The following NFIA variants were observed in gnomAD, a reference collection of about 807,000 sequenced individuals.
NFIA encodes the protein nuclear factor I A, also known as nuclear factor 1 A-type.
A neutral mutation model predicts 62.8 loss-of-function variants in NFIA; 8 were observed. The ratio of observed to expected loss-of-function variants is 0.13; its 90% CI spans 0.07 to 0.23. The LOEUF (loss-of-function observed/expected upper bound fraction) is 0.23, where lower values mean the gene tolerates loss of function less well. NFIA is among the 10% of genes least tolerant of loss of function. The pLI, the probability that NFIA is intolerant of heterozygous loss-of-function variation, is 1.00. For synonymous variants in NFIA, 235 were observed against 238.1 expected (o/e 0.99, Z 0.12); for missense variants, 410 against 642.1 (o/e 0.64, Z 3.91).
At chr1:61,431,639 C>G (rs2100561005) in intron 10 of NFIA, among the ~76,000 whole-genome samples, 1 of 152,376 alleles carries the variant, frequency 6.6e-6, no homozygotes, top group South Asian at 2.1e-4. Flanking sequence ...GTGTGATTGC[C>G]TTTGCCTCAT....
intron 2 of NFIA, among the ~76,000 whole-genome samples, chr1:61,093,353 A>C (rs993576335): frequency 3.3e-5 from 5 of 152,166 alleles, no homozygotes; most frequent in Non-Finnish European, 1.5e-5. Context: ...CACAATATAC[A>C]CAATATACAC....
At chr1:61,357,974 G>C (rs754308479) in intron 5 of NFIA, among the ~76,000 whole-genome samples, 2 of 152,068 alleles carry the variant, frequency 1.3e-5, no homozygotes, top group Non-Finnish European at 2.9e-5. Flanking sequence ...ATTTCACTAC[G>C]TTTTCACTCC....
rs80175032 is a variant in NFIA, at chr1:61,126,100, G to A, written c.559+37420G>A. 0.013 allele frequency among the ~76,000 whole-genome samples: 1,994 copies of A among 152,168 alleles called. 89 individuals are homozygous for A. The East Asian group carries it at 0.17, about 13-fold the overall frequency. ...GAAACTAAGTTTATATAAGTGTCAC[G>A]AAACTTGCTTCAGTTCAGATGTCTA... is the stretch of plus-strand genomic sequence containing the variant. On this transcript the variant is annotated intron_variant, in intron 2 of 10. Transcript: ENST00000403491.
chr1:61,179,785 A>G (rs573775157), intron 2 of NFIA, among the ~76,000 whole-genome samples: 3 of 152,220 alleles, frequency 2.0e-5, no homozygotes, highest in Admixed American at 1.3e-4. Flanking sequence ...GTGAGACTGT[A>G]TTTCCAATAG....
At chr1:61,134,255 T>A (rs199919388) in intron 2 of NFIA, among the ~76,000 whole-genome samples, 16 of 124,104 alleles carry the variant, frequency 1.3e-4, no homozygotes, top group Non-Finnish European at 1.9e-4. Context: ...AGTGTGTGTG[T>A]GTGTGTGTGT....
At chr1:61,169,145 G>A (rs1289616378) in intron 2 of NFIA, among the ~76,000 whole-genome samples, 1 of 152,174 alleles carries the variant, frequency 6.6e-6, no homozygotes, top group African/African-American at 2.4e-5. Flanking sequence ...AGTCATTTTA[G>A]TGGATCTTGA....
At chr1:61,176,831 G>A (rs374746777) in intron 2 of NFIA, among the ~76,000 whole-genome samples, 5 of 152,026 alleles carry the variant, frequency 3.3e-5, no homozygotes, top group Non-Finnish European at 7.4e-5. Flanking sequence ...TGGGCTGGGC[G>A]CGGTGGCTCA....
chr1:61,196,482 T>C (rs543281733), intron 2 of NFIA, among the ~76,000 whole-genome samples: 4 of 152,316 alleles, frequency 2.6e-5, no homozygotes, highest in African/African-American at 9.6e-5. Context: ...TAAGGGTACA[T>C]GTAAATACAT....
At chr1:61,283,602 A>AG in intron 3 of NFIA, among the ~76,000 whole-genome samples, 1 of 145,130 alleles carries the variant, frequency 6.9e-6, no homozygotes, top group African/African-American at 2.5e-5. Flanking sequence ...AAAAAAAAAA[A>AG]AAAAAAGATT....
intron 10 of NFIA, among the ~76,000 whole-genome samples, chr1:61,444,702 A>G (rs774021886): frequency 1.3e-5 from 2 of 152,232 alleles, no homozygotes; most frequent in South Asian, 4.1e-4. Context: ...AATAGCACAA[A>G]TTGGCATGTC....
upstream of NFIA, chr1:61,082,085 A>G (rs945387636): frequency 5.2e-6 from 8 of 1,527,148 alleles, no homozygotes; most frequent in African/African-American, 1.4e-5. Context: ...GGGGATGGGG[A>G]CGAGGAAAAG....
intron 6 of NFIA, among the ~76,000 whole-genome samples, chr1:61,380,794 G>A (rs997311898): frequency 8.5e-5 from 13 of 152,092 alleles, no homozygotes; most frequent in Non-Finnish European, 1.3e-4. Context: ...GGTTGTTCCT[G>A]CATGCTGACG....
At position 61,124,909 on chromosome 1, in the gene NFIA, T is replaced by G. The variant is rs528252489; in HGVS notation, c.559+36229T>G. ...AGGTGGCCATGTTGAAATGTGCCTGTGTGCAGCAAGGCTTCTGAAATGACA... is the reference window on the plus strand; with the variant it reads ...AGGTGGCCATGTTGAAATGTGCCTGGGTGCAGCAAGGCTTCTGAAATGACA... On this transcript the variant is annotated intron_variant, in intron 2 of 10. Coordinates refer to ENST00000403491, the MANE Select transcript of NFIA (RefSeq NM_001134673.4). 8 of 152,290 alleles carry G rather than the reference T, an allele frequency of 5.3e-5. No individual in the cohort carries two copies. The South Asian group carries it at 1.7e-3, about 32-fold the overall frequency. The allele number at this position is 152,290 out of a possible 1,614,324, so 9.4% of individuals were successfully genotyped here. A position where few individuals can be genotyped will look rare whatever the true frequency, so the allele number is the denominator to read the frequency against.
At chr1:61,155,439 C>T (rs796403257) in intron 2 of NFIA, among the ~76,000 whole-genome samples, 12 of 150,408 alleles carry the variant, frequency 8.0e-5, no homozygotes, top group African/African-American at 2.7e-4. Flanking sequence ...TTTGGGAGGC[C>T]GAGGCGGGTG....
chr1:61,103,330 CATT>C (rs1646543736), intron 2 of NFIA, among the ~76,000 whole-genome samples: 1 of 152,138 alleles, frequency 6.6e-6, no homozygotes, highest in Non-Finnish European at 1.5e-5. Context: ...ACTTGGCTAA[CATT>C]ATTTATACTT....
chr1:61,293,950 A>G (rs1659044286), intron 3 of NFIA, among the ~76,000 whole-genome samples: 1 of 152,228 alleles, frequency 6.6e-6, no homozygotes, highest in South Asian at 2.1e-4. Context: ...GTTGCTAGCC[A>G]GGGTACTAGC....
At chr1:61,261,674 T>G (rs1656782702) in intron 2 of NFIA, among the ~76,000 whole-genome samples, 1 of 152,172 alleles carries the variant, frequency 6.6e-6, no homozygotes, top group African/African-American at 2.4e-5. Context: ...CAGTAAGAGG[T>G]TAACTTTACG....
chr1:61,098,511 G>C (rs542427326), intron 2 of NFIA, among the ~76,000 whole-genome samples: 1 of 152,330 alleles, frequency 6.6e-6, no homozygotes, highest in Non-Finnish European at 1.5e-5. Flanking sequence ...CTCTTTTGGA[G>C]AGTAGTTTCA....
At chr1:61,446,132 G>A (rs1667798878) in intron 10 of NFIA, among the ~76,000 whole-genome samples, 1 of 152,176 alleles carries the variant, frequency 6.6e-6, no homozygotes, top group Admixed American at 6.5e-5. Context: ...AGAGAGATCT[G>A]GTGAAGTTCA....
Sources: allele counts gnomAD v4.1 joint callset (sites outside exome capture counted in the v4.1 genomes callset), GRCh38; gene constraint gnomAD v4.1.1; transcripts MANE v1.5; gene names NCBI Gene and HGNC (gene_info 2026-07-23, HGNC 2026-07-21).